LRRC40: variants seen among roughly 807,000 people sequenced by gnomAD.
LRRC40 encodes the protein leucine rich repeat containing 40, also known as leucine-rich repeat-containing protein 40.
Under a neutral mutation model 72.8 loss-of-function variants are expected in LRRC40, and 76 were observed. The observed-to-expected ratio is 1.04, with a 90% CI of 0.87 to 1.26. LRRC40 has a LOEUF of 1.26. Ranked by LOEUF, LRRC40 falls within the 50% of genes most tolerant of loss-of-function variation. The pLI, the probability that LRRC40 is intolerant of heterozygous loss-of-function variation, is 0.00. For synonymous variants in LRRC40, 243 were observed against 254.2 expected, an observed-to-expected ratio of 0.96 and a Z score of 0.42; for missense variants, 684 against 698.9, an observed-to-expected ratio of 0.98 and a Z score of 0.24.
chr1:70,148,769 T>C (rs969487329), intron 13 of LRRC40, 97 bp from the exon 14 acceptor site: 12 of 714,842 alleles, frequency 1.7e-5, no homozygotes, highest in Middle Eastern at 4.3e-4. Flanking sequence ...CAGTTTTTTC[T>C]TTAGTGTATG....
In LRRC40 at chr1:70,155,635, T is replaced by C. The variant is rs752319041; in HGVS notation, c.1328+54A>G. On this transcript the variant is annotated intron_variant, in intron 11 of 14. Coordinates refer to ENST00000370952, the MANE Select transcript of LRRC40 (RefSeq NM_017768.5). ...GGAAAAACCAATTTAAAAACCAAGA[T>C]GGAAAAACAACAGAATGAGTCACAA... 6 of 817,312 alleles carry C rather than the reference T, an allele frequency of 7.3e-6. No individual in the cohort carries two copies. In the Admixed American group the frequency reaches 1.5e-4, roughly 20 times the overall value. 50.6% of individuals were successfully genotyped at this position (817,312 alleles called of 1,614,324 possible).
intron 14 of LRRC40, among the ~76,000 whole-genome samples, chr1:70,146,865 A>C (rs1013424920): frequency 9.9e-5 from 15 of 152,202 alleles, no homozygotes; most frequent in Non-Finnish European, 2.2e-4. Flanking sequence ...ATTATATAAT[A>C]AAATATCTTC....
intron 3 of LRRC40, among the ~76,000 whole-genome samples, chr1:70,186,751 A>G (rs902312260): frequency 6.6e-6 from 1 of 152,200 alleles, no homozygotes; most frequent in Non-Finnish European, 1.5e-5. Flanking sequence ...GTTAGCTACA[A>G]TCTTTGCCAC....
chr1:70,161,080 T>C (rs1667748233), intron 9 of LRRC40, among the ~76,000 whole-genome samples: 1 of 151,402 alleles, frequency 6.6e-6, no homozygotes, highest in Non-Finnish European at 1.5e-5. Context: ...AGAACGCAGA[T>C]ATCTCATTAT....
Position 70,205,455 on chromosome 1 carries a change from T to TG in LRRC40, c.85dup (p.Gln29ProfsTer18). ...CTTCCTCGCTGCCTTCAACAGCCCTTGGGGTACCGAGGTACCGCAGTCTCT... is the reference window on the plus strand; with the variant it reads ...CTTCCTCGCTGCCTTCAACAGCCCTTGGGGGTACCGAGGTACCGCAGTCTCT... On this transcript the variant is annotated frameshift_variant, in exon 1 of 15. Coordinates refer to ENST00000370952, the MANE Select transcript of LRRC40 (RefSeq NM_017768.5). LOFTEE classifies it high-confidence loss of function. 1.2e-6 allele frequency: 2 copies of TG among 1,609,944 alleles called. No individual in the cohort carries two copies.
rs572252811 is a variant in LRRC40 at position 70,187,005 on chromosome 1, A to T, written c.407+260T>A. On this transcript the variant is annotated intron_variant, in intron 3 of 14. Transcript: ENST00000370952. ...AACAAACCACTAAGAATTGTTTTAT[A>T]AAAAAAAAAAAATTTAAGCATTTAA... Among the ~76,000 whole-genome samples, 257 of 143,518 alleles carry T rather than the reference A, an allele frequency of 1.8e-3. 1 individual carries two copies. Among genetic ancestry groups the T allele is most frequent in the African/African-American group, 6.1e-3 (237 of 38,600 alleles). 94.2% of individuals were successfully genotyped at this position (143,518 alleles called of 152,430 possible).
rs948468009 is a variant in LRRC40 at position 70,181,803 on chromosome 1, C to T, written c.538-594G>A. On this transcript the variant is annotated intron_variant, in intron 4 of 14. Coordinates refer to ENST00000370952, the MANE Select transcript of LRRC40 (RefSeq NM_017768.5). ...ATTCACTCAAGATTGCTTAATTAAT[C>T]GCTATACCTCCTGTTTCTTTAAATG... is the stretch of plus-strand genomic sequence containing the variant. 3.3e-5 allele frequency among the ~76,000 whole-genome samples: 5 copies of T among 152,170 alleles called. No homozygotes were observed. In the South Asian group the frequency reaches 8.3e-4, roughly 25 times the overall value.
rs1571421557 is a variant in LRRC40 at position 70,145,685 on chromosome 1, T to C, written c.*115A>G. The C allele has an allele frequency of 1.1e-5, 6 of 552,844 alleles. No homozygotes were observed. The East Asian group carries it at 1.8e-4, about 16-fold the overall frequency. 34.2% of individuals were successfully genotyped at this position (552,844 alleles called of 1,614,324 possible). On this transcript the variant is annotated 3_prime_UTR_variant, in exon 15 of 15. Coordinates refer to ENST00000370952, the MANE Select transcript of LRRC40 (RefSeq NM_017768.5). ...CAACAGGTAGGTGATACTGGGAAAC[T>C]ACAAGATCAATTACAATAATCACCT...
At chr1:70,161,565 A>G (rs578038012) in intron 9 of LRRC40, among the ~76,000 whole-genome samples, 44 of 151,360 alleles carry the variant, frequency 2.9e-4, no homozygotes, top group South Asian at 1.0e-3. Context: ...AAAAAAAAAG[A>G]AAGAAAGAAA....
chr1:70,151,397 A>C (rs1667485916), intron 12 of LRRC40, among the ~76,000 whole-genome samples, 192 bp from the exon 13 acceptor site: 1 of 152,150 alleles, frequency 6.6e-6, no homozygotes, highest in Non-Finnish European at 1.5e-5. Context: ...AGTATGCCAA[A>C]TCCTAATAAT....
chr1:70,177,201 G>A (rs1008096724), intron 6 of LRRC40, among the ~76,000 whole-genome samples: 2 of 152,038 alleles, frequency 1.3e-5, no homozygotes, highest in African/African-American at 4.8e-5. Flanking sequence ...ACTTGAACTC[G>A]TGAGGCGGAG....
At chr1:70,172,230 T>C (rs1323290224) in intron 9 of LRRC40, among the ~76,000 whole-genome samples, 1 of 152,174 alleles carries the variant, frequency 6.6e-6, no homozygotes, top group African/African-American at 2.4e-5. Context: ...GGTGCTTTGA[T>C]CACAGTTCTC....
rs1667263117 is a variant in LRRC40, at chr1:70,145,524, A to ATGC, written c.*275_*276insGCA. On this transcript the variant is annotated 3_prime_UTR_variant, in exon 15 of 15. Coordinates refer to ENST00000370952, the MANE Select transcript of LRRC40 (RefSeq NM_017768.5). Reference sequence around the variant, plus strand: ...AATGAAAGTTAGCAGGATAAATCATAAGCAAAACATTTAGAACAAATGTAT... The same window carrying ATGC: ...AATGAAAGTTAGCAGGATAAATCATATGCAGCAAAACATTTAGAACAAATGTAT... 8 of 218,306 alleles carry ATGC rather than the reference A, an allele frequency of 3.7e-5. No homozygotes were observed. The highest frequency in any genetic ancestry group is 1.4e-3 in the Middle Eastern group (1 of 712). The allele number at this position is 218,306 out of a possible 1,614,324, so 13.5% of individuals were successfully genotyped here.
chr1:70,177,363 A>C (rs1668132699), intron 6 of LRRC40, among the ~76,000 whole-genome samples: 2 of 152,198 alleles, frequency 1.3e-5, no homozygotes, highest in African/African-American at 4.8e-5. Context: ...CTGTACTACT[A>C]TAATAATTTT....
chr1:70,195,337 T>C (rs1488815954), intron 1 of LRRC40, among the ~76,000 whole-genome samples: 1 of 148,330 alleles, frequency 6.7e-6, no homozygotes, highest in East Asian at 2.0e-4. Flanking sequence ...CTCAAATATA[T>C]ACAAAGTCGT....
At chr1:70,168,028 T>C (rs1667925225) in intron 9 of LRRC40, among the ~76,000 whole-genome samples, 1 of 152,128 alleles carries the variant, frequency 6.6e-6, no homozygotes, top group Non-Finnish European at 1.5e-5. Context: ...GCTCCCTCTC[T>C]CCCCTCTTCT....
chr1:70,145,814 G>A lies in LRRC40; in HGVS notation c.1795C>T (p.Arg599Ter), dbSNP rs774826242. Reference protein sequence around the residue: ...TAAILEYLRDRIPT With the variant: ...TAAILEYLRD ...GCAACTCCATGTTAAGTAGGAATTCGGTCTCTCAAATATTCAAGTATAGCA... is the reference window on the plus strand; with the variant it reads ...GCAACTCCATGTTAAGTAGGAATTCAGTCTCTCAAATATTCAAGTATAGCA... Residue 599 changes from arginine to a stop codon, truncating the protein, a stop_gained, in exon 15 of 15, where the codon CGA becomes TGA. Transcript: ENST00000370952. LOFTEE classifies it high-confidence loss of function. 9.4e-6 allele frequency: 15 copies of A among 1,589,388 alleles called. No homozygotes were observed. The highest frequency in any genetic ancestry group is 6.7e-5 in the South Asian group (6 of 90,102).
At chr1:70,160,796 ATTG>A (rs932972418) in intron 9 of LRRC40, among the ~76,000 whole-genome samples, 7 of 152,204 alleles carry the variant, frequency 4.6e-5, no homozygotes, top group African/African-American at 9.6e-5. Flanking sequence ...ATCTTTGCGT[ATTG>A]TTGTTTTTTT....
Position 70,152,452 on chromosome 1 carries a change from A to G in LRRC40, c.1420T>C (p.Leu474=), listed in dbSNP as rs747190807. Residue 474 remains leucine (L), a synonymous_variant, in exon 12 of 15, where the codon TTG becomes CTG. Transcript: ENST00000370952. Reference sequence around the variant, plus strand: ...AAATACCTGAGATCTAAAAAAGTCAATTTCTGAAGCACACATAACTCCAAG... The same window carrying G: ...AAATACCTGAGATCTAAAAAAGTCAGTTTCTGAAGCACACATAACTCCAAG... ...ISLELCVLQK[L]TFLDLRNNFL... 25 of 1,582,494 alleles carry G rather than the reference A, an allele frequency of 1.6e-5. No individual in the cohort carries two copies. The highest frequency in any genetic ancestry group is 1.9e-5 in the Non-Finnish European group (22 of 1,153,806).
Sources: gnomAD v4.1 joint callset for allele counts (sites outside exome capture counted in the v4.1 genomes callset) on GRCh38, gnomAD v4.1.1 for gene constraint, MANE v1.5 for transcripts, NCBI Gene and HGNC (gene_info 2026-07-23, HGNC 2026-07-21) for gene names.